Variants in SNTG2 observed in about 807,000 individuals in gnomAD.
SNTG2 encodes the protein gamma-2-syntrophin.
A neutral mutation model predicts 70.9 loss-of-function variants in SNTG2; 74 were observed. That is an observed-to-expected ratio of 1.04 (90% CI 0.86 to 1.27). The LOEUF is 1.27. Ranked by LOEUF, SNTG2 falls within the 50% of genes most tolerant of loss-of-function variation. The pLI is 0.00. For missense variants in SNTG2, 717 were observed against 690.7 expected, an observed-to-expected ratio of 1.04 and a Z score of -0.43; for synonymous variants, 278 against 273.8, an observed-to-expected ratio of 1.02 and a Z score of -0.15.
intron 1 of SNTG2, among the ~76,000 whole-genome samples, chr2:951,669 A>G (rs1398642763): frequency 6.6e-6 from 1 of 152,208 alleles, no homozygotes; most frequent in East Asian, 1.9e-4. Context: ...TTATTTTTAA[A>G]TAACTAAACT....
intron 1 of SNTG2, among the ~76,000 whole-genome samples, chr2:1,047,871 C>G (rs56414066): frequency 0.01 from 1,574 of 152,058 alleles, 17 homozygotes; most frequent in Non-Finnish European, 0.017. Flanking sequence ...ACAGAAAATG[C>G]TGAATGCCAG....
At chr2:1,146,502 A>G (rs1669117305) in intron 6 of SNTG2, among the ~76,000 whole-genome samples, 1 of 130,512 alleles carries the variant, frequency 7.7e-6, no homozygotes, top group South Asian at 2.4e-4. Flanking sequence ...TCAATATGAT[A>G]TCAACCAAAA....
chr2:1,217,037 C>T (rs768349375), intron 9 of SNTG2, among the ~76,000 whole-genome samples: 8 of 152,038 alleles, frequency 5.3e-5, no homozygotes, highest in Non-Finnish European at 1.0e-4. Flanking sequence ...CCCATTCCAC[C>T]ATGTGCCGAC....
chr2:1,326,090 C>G (rs1681745839), intron 16 of SNTG2, among the ~76,000 whole-genome samples: 2 of 152,170 alleles, frequency 1.3e-5, no homozygotes, highest in Non-Finnish European at 2.9e-5. Flanking sequence ...GCCTCAGCCT[C>G]CCAAAGTGCT....
intron 4 of SNTG2, among the ~76,000 whole-genome samples, chr2:1,129,997 C>T (rs574803833): frequency 6.6e-6 from 1 of 152,182 alleles, no homozygotes; most frequent in Non-Finnish European, 1.5e-5. Flanking sequence ...AAGTCTACTT[C>T]TTATTGTAGA....
Position 1,113,660 on chromosome 2 carries a change from A to G in SNTG2, c.325+15250A>G, listed in dbSNP as rs369334209. 7.3e-4 allele frequency among the ~76,000 whole-genome samples: 95 copies of G among 130,002 alleles called. No homozygotes were observed. In the Middle Eastern group the frequency reaches 0.017, roughly 23 times the overall value. 85.3% of individuals were successfully genotyped at this position (130,002 alleles called of 152,430 possible). On this transcript the variant is annotated intron_variant, in intron 4 of 16. Transcript: ENST00000308624. ...CCCTTACAGTCCTTTGAGGAGGATC[A>G]TGTGTACTAAGTGAGGTTTAACCCT...
intron 6 of SNTG2, among the ~76,000 whole-genome samples, chr2:1,146,178 C>T (rs969367564): frequency 3.1e-4 from 47 of 152,194 alleles, no homozygotes; most frequent in African/African-American, 1.1e-3. Flanking sequence ...TTCTTTTCAA[C>T]ACCATACTGA....
intron 16 of SNTG2, among the ~76,000 whole-genome samples, chr2:1,334,425 C>T (rs1201255536): frequency 6.6e-6 from 1 of 152,090 alleles, no homozygotes; most frequent in Non-Finnish European, 1.5e-5. Flanking sequence ...CCATTTGATC[C>T]AGCAACCCCA....
intron 4 of SNTG2, among the ~76,000 whole-genome samples, chr2:1,136,932 T>C (rs1020567357): frequency 6.6e-6 from 1 of 152,188 alleles, no homozygotes; most frequent in African/African-American, 2.4e-5. Flanking sequence ...TGAGGGGAAA[T>C]GCTAAGTGGC....
At chr2:993,928 T>C (rs1661589105) in intron 1 of SNTG2, among the ~76,000 whole-genome samples, 1 of 152,180 alleles carries the variant, frequency 6.6e-6, no homozygotes, top group Non-Finnish European at 1.5e-5. Context: ...AAATATTTAC[T>C]CTCATTTTGT....
In SNTG2 at chr2:1,239,890, T is replaced by C. The variant is rs879083840; in HGVS notation, c.888+114T>C. On this transcript the variant is annotated intron_variant, in intron 11 of 16. Coordinates refer to ENST00000308624, the MANE Select transcript of SNTG2 (RefSeq NM_018968.4). The stretch of plus-strand genomic sequence containing the variant: ...GTCTCTGGTTTTTTGAAATTTGATT[T>C]GAAAATGTTGATAGGAAAACATTAG... 7.0e-6 allele frequency: 9 copies of C among 1,290,588 alleles called. No homozygotes were observed. In the South Asian group the frequency reaches 1.2e-4, roughly 17 times the overall value. The allele number at this position is 1,290,588 out of a possible 1,614,324, so 79.9% of individuals were successfully genotyped here. A position where few individuals can be genotyped will look rare whatever the true frequency, so the allele number is the denominator to read the frequency against.
chr2:993,519 A>G (rs1572201486), intron 1 of SNTG2, among the ~76,000 whole-genome samples: 1 of 152,128 alleles, frequency 6.6e-6, no homozygotes, highest in Admixed American at 6.5e-5. Context: ...GTGTAAAACT[A>G]TGAGTGGAAT....
intron 14 of SNTG2, among the ~76,000 whole-genome samples, chr2:1,279,964 TTACTG>T (rs1679448361): frequency 6.6e-6 from 1 of 152,218 alleles, no homozygotes; most frequent in East Asian, 1.9e-4. Context: ...TCTAACATGA[TTACTG>T]TATCTTTGCG....
chr2:1,159,980 G>A (rs539267783), intron 6 of SNTG2, among the ~76,000 whole-genome samples: 27 of 152,290 alleles, frequency 1.8e-4, no homozygotes, highest in Admixed American at 1.2e-3. Context: ...GGAACACTGC[G>A]TCCGTGAGAA....
chr2:1,235,027 G>T (rs1431762628), intron 9 of SNTG2, among the ~76,000 whole-genome samples: 1 of 152,234 alleles, frequency 6.6e-6, no homozygotes, highest in Non-Finnish European at 1.5e-5. Flanking sequence ...GTGAGCTGGA[G>T]CCAAGCGGTG....
chr2:1,313,952 A>G (rs572297631), intron 15 of SNTG2, among the ~76,000 whole-genome samples: 1 of 152,356 alleles, frequency 6.6e-6, no homozygotes, highest in Non-Finnish European at 1.5e-5. Context: ...TTGCAGTGCA[A>G]TATCAATGGA....
At chr2:1,296,420 G>A (rs1680218688) in intron 14 of SNTG2, among the ~76,000 whole-genome samples, 1 of 152,240 alleles carries the variant, frequency 6.6e-6, no homozygotes, top group Non-Finnish European at 1.5e-5. Context: ...AGGTGCCCCT[G>A]CCCCAGCAGC....
intron 14 of SNTG2, among the ~76,000 whole-genome samples, chr2:1,290,684 G>A (rs1007572708): frequency 2.0e-5 from 3 of 152,080 alleles, no homozygotes; most frequent in Admixed American, 2.0e-4. Flanking sequence ...CTAGGAGGAT[G>A]GTGCTAAATC....
intron 1 of SNTG2, among the ~76,000 whole-genome samples, chr2:1,007,561 A>G (rs967720277): frequency 1.3e-5 from 2 of 152,200 alleles, no homozygotes; most frequent in Non-Finnish European, 2.9e-5. Flanking sequence ...AAGGCATAGT[A>G]GACAAGGTGA....
Sources: gnomAD v4.1 joint callset for allele counts (sites outside exome capture counted in the v4.1 genomes callset) on GRCh38, gnomAD v4.1.1 for gene constraint, MANE v1.5 for transcripts, NCBI Gene and HGNC (gene_info 2026-07-23, HGNC 2026-07-21) for gene names.